LSAMP: variants seen among roughly 807,000 people sequenced by gnomAD.
LSAMP encodes limbic system associated membrane protein.
A neutral mutation model predicts 38.6 loss-of-function variants in LSAMP; 7 were observed. The observed-to-expected ratio is 0.18, with a 90% CI of 0.10 to 0.34. The LOEUF (loss-of-function observed/expected upper bound fraction) is 0.34, where lower values mean the gene tolerates loss of function less well. LSAMP is among the 10% of genes least tolerant of loss of function. The probability of loss-of-function intolerance (pLI) is 1.00; values close to 1 mark genes in which losing one functional copy is unlikely to be tolerated. For missense variants in LSAMP, 313 were observed against 420.0 expected (o/e 0.75, Z 2.23); for synonymous variants, 154 against 166.8 (o/e 0.92, Z 0.59).
chr3:115,974,855 T>A (rs1157335466), intron 3 of LSAMP, among the ~76,000 whole-genome samples: 1 of 152,126 alleles, frequency 6.6e-6, no homozygotes, highest in Non-Finnish European at 1.5e-5. Context: ...GTGGTTATAA[T>A]GAGGTGTGTC....
chr3:116,081,268 C>T (rs1707864954), intron 2 of LSAMP, among the ~76,000 whole-genome samples: 2 of 151,950 alleles, frequency 1.3e-5, no homozygotes, highest in Admixed American at 1.3e-4. Context: ...TGGAGACCAT[C>T]CTGGCCAACA....
chr3:116,253,524 TACAGAGGCA>T (rs1377937393), intron 1 of LSAMP, among the ~76,000 whole-genome samples: 1 of 152,180 alleles, frequency 6.6e-6, no homozygotes, highest in East Asian at 1.9e-4. Flanking sequence ...AAAATAAGAC[TACAGAGGCA>T]ACAGAAAAGA....
At chr3:115,977,074 T>C (rs1939210723) in intron 3 of LSAMP, among the ~76,000 whole-genome samples, 1 of 152,148 alleles carries the variant, frequency 6.6e-6, no homozygotes, top group Non-Finnish European at 1.5e-5. Flanking sequence ...TATTTCATAT[T>C]ATATGAAATA....
chr3:116,022,411 A>G (rs1940665154), intron 2 of LSAMP, among the ~76,000 whole-genome samples: 3 of 152,050 alleles, frequency 2.0e-5, no homozygotes, highest in Admixed American at 6.6e-5. Context: ...CTCAACCTTC[A>G]GTGCAATCTG....
intron 2 of LSAMP, among the ~76,000 whole-genome samples, chr3:116,085,539 T>C (rs1463481417): frequency 2.0e-5 from 3 of 152,226 alleles, no homozygotes; most frequent in South Asian, 2.1e-4. Flanking sequence ...TCTTTCCTGA[T>C]AGATACATTG....
At chr3:116,018,409 C>T (rs572900521) in intron 3 of LSAMP, among the ~76,000 whole-genome samples, 66 of 152,208 alleles carry the variant, frequency 4.3e-4, no homozygotes, top group Non-Finnish European at 8.7e-4. Flanking sequence ...AGTTTAGCTC[C>T]TGTTGTACAT....
At chr3:116,248,419 T>C (rs1427118085) in intron 1 of LSAMP, among the ~76,000 whole-genome samples, 3 of 151,686 alleles carry the variant, frequency 2.0e-5, no homozygotes, top group Admixed American at 6.6e-5. Context: ...GGAGGATCAC[T>C]TGAGCCCAAG....
At chr3:115,922,394 T>G (rs1363602826) in intron 3 of LSAMP, among the ~76,000 whole-genome samples, 1 of 152,042 alleles carries the variant, frequency 6.6e-6, no homozygotes, top group African/African-American at 2.4e-5. Flanking sequence ...TTCAGAGCAT[T>G]CTCCAGCTCC....
At chr3:116,440,243 G>C (rs1343593293) in intron 1 of LSAMP, among the ~76,000 whole-genome samples, 2 of 152,180 alleles carry the variant, frequency 1.3e-5, no homozygotes, top group East Asian at 3.9e-4. Context: ...GACAGGGAGA[G>C]GGACAAGGAT....
intron 1 of LSAMP, among the ~76,000 whole-genome samples, chr3:116,160,774 T>C (rs1041105132): frequency 2.6e-5 from 4 of 152,214 alleles, no homozygotes; most frequent in Non-Finnish European, 5.9e-5. Context: ...GTCTGAAACT[T>C]CATTGCACAT....
At chr3:116,270,408 C>A (rs114084128) in intron 1 of LSAMP, among the ~76,000 whole-genome samples, 360 of 146,346 alleles carry the variant, frequency 2.5e-3, no homozygotes, top group African/African-American at 8.4e-3. Context: ...GTCAAATGGA[C>A]CCTGAAGCTT....
intron 1 of LSAMP, among the ~76,000 whole-genome samples, chr3:116,234,455 T>C (rs2046440770): frequency 6.7e-6 from 1 of 149,824 alleles, no homozygotes; most frequent in Non-Finnish European, 1.5e-5. Context: ...ATTTATGAAA[T>C]ATATAGATAT....
intron 3 of LSAMP, among the ~76,000 whole-genome samples, chr3:115,919,015 C>A (rs1223022996): frequency 6.6e-6 from 1 of 152,126 alleles, no homozygotes; most frequent in African/African-American, 2.4e-5. Context: ...TCTACAATAT[C>A]TCTTGGGAGA....
At chr3:115,973,147 A>G (rs1939072328) in intron 3 of LSAMP, among the ~76,000 whole-genome samples, 1 of 152,108 alleles carries the variant, frequency 6.6e-6, no homozygotes, top group African/African-American at 2.4e-5. Context: ...AGGAGTTTGG[A>G]TCTTAGTCAA....
intron 1 of LSAMP, among the ~76,000 whole-genome samples, chr3:116,330,819 C>T (rs944800600): frequency 6.6e-6 from 1 of 152,012 alleles, no homozygotes; most frequent in Non-Finnish European, 1.5e-5. Flanking sequence ...AAAGTTACCA[C>T]ATTATTAGAT....
intron 1 of LSAMP, among the ~76,000 whole-genome samples, chr3:116,414,949 T>A (rs961484336): frequency 1.3e-5 from 2 of 152,164 alleles, no homozygotes; most frequent in South Asian, 2.1e-4. Flanking sequence ...TGGAGCATGC[T>A]CCCTTAGTTT....
intron 1 of LSAMP, among the ~76,000 whole-genome samples, chr3:116,325,089 C>T (rs1371491417): frequency 6.7e-6 from 1 of 149,846 alleles, no homozygotes; most frequent in South Asian, 2.1e-4. Flanking sequence ...ATATTAAATG[C>T]TATTTCATAT....
intron 1 of LSAMP, among the ~76,000 whole-genome samples, chr3:116,348,062 C>T (rs2048087549): frequency 6.6e-6 from 1 of 151,898 alleles, no homozygotes; most frequent in Admixed American, 6.6e-5. Flanking sequence ...GGTACTCCAG[C>T]ATAATTATCG....
intron 6 of LSAMP, among the ~76,000 whole-genome samples, chr3:115,838,674 G>T (rs1934877248): frequency 6.6e-6 from 1 of 152,182 alleles, no homozygotes; most frequent in African/African-American, 2.4e-5. Flanking sequence ...AGAACTAGAT[G>T]AATGAGAAAG....
Sources: gnomAD v4.1 joint callset for allele counts (sites outside exome capture counted in the v4.1 genomes callset) on GRCh38, gnomAD v4.1.1 for gene constraint, MANE v1.5 for transcripts, NCBI Gene and HGNC (gene_info 2026-07-23, HGNC 2026-07-21) for gene names.